LAMA5: variants seen among roughly 807,000 people sequenced by gnomAD.
LAMA5 encodes laminin subunit alpha-5.
LAMA5 carries 260 observed loss-of-function variants against 433.4 expected under a neutral mutation model. The ratio of observed to expected loss-of-function variants is 0.60; its 90% CI spans 0.54 to 0.66. The LOEUF (loss-of-function observed/expected upper bound fraction) is 0.66, where lower values mean the gene tolerates loss of function less well. Among genes scored for constraint, LAMA5 ranks in the 30% least tolerant of loss-of-function variants. LAMA5 has a pLI of 0.00. For synonymous variants in LAMA5, 2,620 were observed against 2,226.6 expected (o/e 1.18, Z -4.97); for missense variants, 5,378 against 5,258.5 (o/e 1.02, Z -0.70).
rs552772178 is a variant in LAMA5, at chr20:62,324,365, C to A, written c.5643+76G>T. The A allele has an allele frequency of 6.3e-6, 9 of 1,425,756 alleles. No individual in the cohort carries two copies. In the Admixed American group the frequency reaches 1.3e-4, roughly 21 times the overall value. The allele number at this position is 1,425,756 out of a possible 1,614,324, so 88.3% of individuals were successfully genotyped here. A position where few individuals can be genotyped will look rare whatever the true frequency, so the allele number is the denominator to read the frequency against. ...GACCTCAGTTGACCTGGAAGTGCAGCCCCTGGTCTTCCCTGGCACACTTGA... is the reference window on the plus strand; with the variant it reads ...GACCTCAGTTGACCTGGAAGTGCAGACCCTGGTCTTCCCTGGCACACTTGA... On this transcript the variant is annotated intron_variant, in intron 42 of 79. Transcript: ENST00000252999. The surrounding 1 kb of genome is among the most constrained non-coding windows in gnomAD (Gnocchi z 4.4).
At position 62,312,612 on chromosome 20, in the gene LAMA5, C is replaced by A; in HGVS notation, c.9227+20G>T. On this transcript the variant is annotated intron_variant, in intron 67 of 79. Coordinates refer to ENST00000252999, the MANE Select transcript of LAMA5 (RefSeq NM_005560.6). ...CCCCAACAGCCTGGCCTCGGAGCCC[C>A]AGCTGCGCACAGTGCTTACCTCGGG... is the stretch of plus-strand genomic sequence containing the variant. The A allele has an allele frequency of 6.2e-7, 1 of 1,602,018 alleles. No homozygotes were observed. The highest frequency in any genetic ancestry group is 2.3e-5 in the East Asian group (1 of 44,324).
At chr20:62,339,874 C>T (rs2427290) in intron 11 of LAMA5, among the ~76,000 whole-genome samples, 3 of 152,040 alleles carry the variant, frequency 2.0e-5, no homozygotes, top group African/African-American at 7.3e-5. Context: ...CGTGGGGCTG[C>T]GCTGTCTCCT....
chr20:62,349,268 C>G (rs1278129671), intron 6 of LAMA5, among the ~76,000 whole-genome samples: 1 of 29,622 alleles, frequency 3.4e-5, no homozygotes, highest in East Asian at 1.0e-3. Flanking sequence ...GAGACTCCAT[C>G]TCAAAAAAAA....
At position 62,311,295 on chromosome 20, in the gene LAMA5, T is replaced by C; in HGVS notation, c.9955A>G (p.Ser3319Gly). ...QATARKASRR[S>G]RQPARHPACM... ...GCAGGATGCCGGGCGGGCTGACGGC[T>C]GCGGCGGGAGGCCTGGGGGCGTGGA... Residue 3319 changes from serine to glycine, a missense_variant, in exon 73 of 80, where the codon AGC becomes GGC. Ser to Gly is a moderately conservative substitution (Grantham distance 56). Transcript: ENST00000252999. 1.3e-6 allele frequency: 2 copies of C among 1,585,072 alleles called. No individual in the cohort carries two copies. Among genetic ancestry groups the C allele is most frequent in the Middle Eastern group, 1.7e-4 (1 of 5,836 alleles).
chr20:62,325,496 G>A lies in LAMA5; in HGVS notation c.5349C>T (p.Leu1783=), dbSNP rs1979130466. The change falls in exon 41 of 80, where the codon CTC becomes CTT. Residue 1783 remains leucine, a synonymous_variant. Coordinates refer to ENST00000252999, the MANE Select transcript of LAMA5 (RefSeq NM_005560.6). ...GCTCCAGGCTGGCCAGCACCATCAT[G>A]AGCTCCTCGCGGGACACAGTGTTGC... ...ETRNTVSREE[L]MMVLASLEQL... The A allele has an allele frequency of 6.2e-7, 1 of 1,612,880 alleles. No homozygotes were observed. The highest frequency in any genetic ancestry group is 8.5e-7 in the Non-Finnish European group (1 of 1,179,904).
rs763461516 is a variant in LAMA5 at position 62,320,873 on chromosome 20, CCA to C, written c.6512_6513del (p.Val2171GlyfsTer6). On this transcript the variant is annotated frameshift_variant, in exon 49 of 80. Coordinates refer to ENST00000252999, the MANE Select transcript of LAMA5 (RefSeq NM_005560.6). LOFTEE classifies it high-confidence loss of function. ...SIHCEVCDHC[V>X]VLLLDDLERA... ...CGTTCCAGGTCATCCAGGAGCAGGA[CCA>C]CACAGTGGTCACACACTGCAGGCGA... 1 of 1,610,832 alleles carries C rather than the reference CCA, an allele frequency of 6.2e-7. No homozygotes were observed.
chr20:62,320,185 G>T (rs1339139074), intron 50 of LAMA5, among the ~76,000 whole-genome samples: 1 of 151,784 alleles, frequency 6.6e-6, no homozygotes, highest in Non-Finnish European at 1.5e-5. Context: ...GGGCGTGGTG[G>T]CGTGTGCCTG....
chr20:62,317,469 C>T lies in LAMA5; in HGVS notation c.7387G>A (p.Gly2463Arg), dbSNP rs768563115. 9 of 1,571,712 alleles carry T rather than the reference C, an allele frequency of 5.7e-6. No homozygotes were observed. The highest frequency in any genetic ancestry group is 4.1e-5 in the African/African-American group (3 of 73,804). ...ELERLAASLDGARTPLLQRMQ... is the reference protein window; with the variant it reads ...ELERLAASLDRARTPLLQRMQ... ...CTCTGCAGCAGTGGGGTCCGAGCCC[C>T]ATCCAGGCTGGCGGCGAGGCGCTCC... Residue 2463 changes from glycine to arginine, a missense_variant, in exon 55 of 80, where the codon GGG becomes AGG. By Grantham distance (125) the Gly-to-Arg change is moderately radical (BLOSUM62 -2). Coordinates refer to ENST00000252999, the MANE Select transcript of LAMA5 (RefSeq NM_005560.6).
Position 62,324,312 on chromosome 20 carries a change from GT to G in LAMA5, c.5644-109del. 6.8e-7 allele frequency: 1 copy of G among 1,470,472 alleles called. No individual in the cohort carries two copies. The highest frequency in any genetic ancestry group is 9.2e-7 in the Non-Finnish European group (1 of 1,081,364). 91.1% of individuals were successfully genotyped at this position (1,470,472 alleles called of 1,614,324 possible). A position where few individuals can be genotyped will look rare whatever the true frequency, so the allele number is the denominator to read the frequency against. ...CAGACTCTGTGCCCAAGGCCAGATG[GT>G]CCCCCACTGGGCAACACCCTTCCCC... On this transcript the variant is annotated intron_variant, in intron 42 of 79. Transcript: ENST00000252999. This position sits in a 1 kb window ranked among gnomAD's most constrained non-coding sequence, Gnocchi z 4.4.
intron 26 of LAMA5, 41 bp from the exon 27 acceptor site, chr20:62,332,758 G>C (rs766079297): frequency 1.3e-6 from 2 of 1,595,992 alleles, no homozygotes; most frequent in Non-Finnish European, 8.5e-7. Flanking sequence ...GCCACCCCTC[G>C]CCCTTCCCAC....
In LAMA5 at chr20:62,309,302, AG is replaced by A; in HGVS notation, c.*33del. On this transcript the variant is annotated 3_prime_UTR_variant, in exon 80 of 80. Coordinates refer to ENST00000252999, the MANE Select transcript of LAMA5 (RefSeq NM_005560.6). ...ACAAGGGGCGGTGTGAGGCAGCTGC[AG>A]GGGCCTGACCAGGGGCCGGGGTTGG... 1.3e-6 allele frequency: 2 copies of A among 1,585,432 alleles called. No homozygotes were observed. Among genetic ancestry groups the A allele is most frequent in the Non-Finnish European group, 1.7e-6 (2 of 1,173,444 alleles).
chr20:62,345,086 C>T (rs562649008), intron 11 of LAMA5, among the ~76,000 whole-genome samples: 37 of 151,414 alleles, frequency 2.4e-4, no homozygotes, highest in Admixed American at 1.1e-3. Context: ...GGTGCAATCT[C>T]GGCTCACAGC....
At chr20:62,339,615 C>T (rs529253267) in intron 11 of LAMA5, among the ~76,000 whole-genome samples, 1 of 52,824 alleles carries the variant, frequency 1.9e-5, no homozygotes, top group African/African-American at 3.2e-5. Flanking sequence ...GAGCACGCTT[C>T]AGTTTTGTTA....
Position 62,333,170 on chromosome 20 carries a change from C to A in LAMA5, c.3202G>T (p.Asp1068Tyr), listed in dbSNP as rs1422788282. The change falls in exon 26 of 80, where the codon GAC becomes TAC. Residue 1068 changes from aspartate to tyrosine, a missense_variant. By Grantham distance (160) the Asp-to-Tyr change is radical. Coordinates refer to ENST00000252999, the MANE Select transcript of LAMA5 (RefSeq NM_005560.6). ...AAGLEALCRQ[D>Y]NSLPRPCPTE... The stretch of plus-strand genomic sequence containing the variant: ...GGGCAGGGCCGGGGCAGGCTGTTGT[C>A]CTGGCGACACAGGGCCTCCAGCCCG... 6.6e-7 allele frequency: 1 copy of A among 1,519,588 alleles called. No individual in the cohort carries two copies. The highest frequency in any genetic ancestry group is 8.8e-7 in the Non-Finnish European group (1 of 1,135,130). The allele number at this position is 1,519,588 out of a possible 1,614,324, so 94.1% of individuals were successfully genotyped here.
chr20:62,335,820 C>T (rs1187522344), intron 18 of LAMA5, among the ~76,000 whole-genome samples: 2 of 14,314 alleles, frequency 1.4e-4, no homozygotes, highest in African/African-American at 1.8e-4. Context: ...CCCAACATTC[C>T]CTCCAGGACA....
In LAMA5 at chr20:62,313,014, C is replaced by T. The variant is rs1313375638; in HGVS notation, c.8956-4G>A. ...CGGCCAAGCACAGGAACTGGCTCTG[C>T]AGAAACAGGGCAGGGTTAGTGTGGG... On this transcript the variant is annotated splice_region_variant and splice_polypyrimidine_tract_variant and intron_variant, in intron 65 of 79. Transcript: ENST00000252999. 9.5e-6 allele frequency: 15 copies of T among 1,583,782 alleles called. No individual in the cohort carries two copies. Among genetic ancestry groups the T allele is most frequent in the Non-Finnish European group, 1.3e-5 (15 of 1,162,722 alleles).
chr20:62,311,942 C>T lies in LAMA5; in HGVS notation c.9613G>A (p.Ala3205Thr), dbSNP rs148682538. ...CACCCCGTGGCATTGCTGTAGAAGG[C>T]GACGTAATGGGGGGCACCATCGGCG... ...GFADGAPHYV[A>T]FYSNATGVWL... The change falls in exon 70 of 80, where the codon GCC (alanine) becomes ACC (threonine). Residue 3205 changes from alanine (A) to threonine (T), a missense_variant. By Grantham distance (58) the Ala-to-Thr change is moderately conservative. Coordinates refer to ENST00000252999, the MANE Select transcript of LAMA5 (RefSeq NM_005560.6). 212 of 1,611,906 alleles carry T rather than the reference C, an allele frequency of 1.3e-4. 1 individual carries two copies. In the African/African-American group the frequency reaches 1.4e-3, roughly 11 times the overall value.
chr20:62,332,630 C>T lies in LAMA5; in HGVS notation c.3370G>A (p.Val1124Met). 6.2e-7 allele frequency: 1 copy of T among 1,607,014 alleles called. No homozygotes were observed. Among genetic ancestry groups the T allele is most frequent in the Non-Finnish European group, 8.5e-7 (1 of 1,177,270 alleles). The change falls in exon 27 of 80, where the codon GTG becomes ATG. Residue 1124 changes from valine to methionine, a missense_variant. Val to Met is a conservative substitution (Grantham distance 21). Transcript: ENST00000252999. ...EYANEDARQEVGVAVHTPQRA... is the reference protein window; with the variant it reads ...EYANEDARQEMGVAVHTPQRA... ...TGTGGGGTGTGCACGGCCACGCCCA[C>T]CTCCTGGCGGGCATCCTCATTGGCG...
At position 62,329,266 on chromosome 20, in the gene LAMA5, GC is replaced by G; in HGVS notation, c.4120-14del. 1 of 1,585,758 alleles carries G rather than the reference GC, an allele frequency of 6.3e-7. No homozygotes were observed. Among genetic ancestry groups the G allele is most frequent in the Non-Finnish European group, 8.6e-7 (1 of 1,156,432 alleles). ...CGAGTACATAATCCTAGGGGGTGAG[GC>G]CTGGTCACTCTCCCGCGGGCCCAGA... On this transcript the variant is annotated splice_polypyrimidine_tract_variant and intron_variant, in intron 32 of 79. Coordinates refer to ENST00000252999, the MANE Select transcript of LAMA5 (RefSeq NM_005560.6).
Sources: gnomAD v4.1 joint callset for allele counts (sites outside exome capture counted in the v4.1 genomes callset) on GRCh38, gnomAD v4.1.1 for gene constraint, Gnocchi (gnomAD v3.1) non-coding constraint, MANE v1.5 for transcripts, NCBI Gene and HGNC (gene_info 2026-07-23, HGNC 2026-07-21) for gene names.